The following CUBN variants were observed in gnomAD, a reference collection of about 807,000 sequenced individuals.
CUBN encodes cubilin.
In CUBN, 282 loss-of-function variants were observed where a neutral mutation model predicts 405.3. That is an observed-to-expected ratio of 0.70 (90% CI 0.63 to 0.77). The LOEUF (loss-of-function observed/expected upper bound fraction) is 0.77, where lower values mean the gene tolerates loss of function less well. Ranked by LOEUF, CUBN falls within the 30% of genes least tolerant of loss-of-function variation. The pLI is 0.00. For missense variants in CUBN, 4,514 were observed against 4,475.2 expected (o/e 1.01, Z -0.25); for synonymous variants, 1,684 against 1,617.0 (o/e 1.04, Z -0.99).
chr10:16,976,334 T>A (rs1833093966), intron 31 of CUBN, among the ~76,000 whole-genome samples: 1 of 152,144 alleles, frequency 6.6e-6, no homozygotes, highest in Non-Finnish European at 1.5e-5. Flanking sequence ...GTTACTTTTT[T>A]TTCTTTAATC....
At chr10:16,844,115 C>T (rs185887797) in intron 60 of CUBN, among the ~76,000 whole-genome samples, 11 of 152,048 alleles carry the variant, frequency 7.2e-5, no homozygotes, top group Non-Finnish European at 7.4e-5. Flanking sequence ...ATTAAAAATA[C>T]GAAATTAGCC....
chr10:17,126,332 G>A (rs745599483), intron 4 of CUBN, among the ~76,000 whole-genome samples: 8 of 152,218 alleles, frequency 5.3e-5, no homozygotes, highest in Non-Finnish European at 8.8e-5. Context: ...ACCAGCAAAT[G>A]TCATTTTAAG....
At chr10:16,828,369 ACTG>A (rs1444179316) in intron 66 of CUBN, among the ~76,000 whole-genome samples, 1 of 152,144 alleles carries the variant, frequency 6.6e-6, no homozygotes, top group Non-Finnish European at 1.5e-5. Context: ...AAGTTGGAAA[ACTG>A]CTCAATTTGT....
chr10:17,098,078 C>T (rs1054832445), intron 14 of CUBN, among the ~76,000 whole-genome samples: 1 of 152,114 alleles, frequency 6.6e-6, no homozygotes, highest in African/African-American at 2.4e-5. Flanking sequence ...AGCCAATTGC[C>T]ACGAAGAAAG....
intron 30 of CUBN, among the ~76,000 whole-genome samples, chr10:16,982,888 A>T (rs746496406): frequency 7.2e-5 from 11 of 152,196 alleles, no homozygotes; most frequent in Non-Finnish European, 1.6e-4. Context: ...GCCAAAATTT[A>T]TTTTAAAAAT....
At chr10:17,069,291 T>C (rs1431174471) in intron 19 of CUBN, among the ~76,000 whole-genome samples, 1 of 152,234 alleles carries the variant, frequency 6.6e-6, no homozygotes, top group Non-Finnish European at 1.5e-5. Flanking sequence ...ACTGTAGATA[T>C]ATTCACATAC....
chr10:16,879,956 G>A (rs1840620782), intron 56 of CUBN, among the ~76,000 whole-genome samples: 1 of 152,220 alleles, frequency 6.6e-6, no homozygotes, highest in Non-Finnish European at 1.5e-5. Flanking sequence ...AGTACCCACT[G>A]TGAGAGCAGC....
At chr10:17,035,881 GAACTAGGCTTAATACCTAGGTGATGA>G (rs1248780553) in intron 27 of CUBN, among the ~76,000 whole-genome samples, 2 of 151,754 alleles carry the variant, frequency 1.3e-5, no homozygotes, top group African/African-American at 4.8e-5. Context: ...AAAATAATGA[GAACTAGGCTTAATACCTAGGTGATGA>G]AATGATCTGT....
intron 28 of CUBN, among the ~76,000 whole-genome samples, chr10:17,012,618 G>A (rs1316477205): frequency 6.6e-6 from 1 of 152,198 alleles, no homozygotes; most frequent in Non-Finnish European, 1.5e-5. Context: ...CAAACTCTAC[G>A]TTAGTAGAAA....
chr10:17,100,832 G>A (rs1836478365), intron 13 of CUBN, among the ~76,000 whole-genome samples: 1 of 152,140 alleles, frequency 6.6e-6, no homozygotes, highest in Non-Finnish European at 1.5e-5. Context: ...ATTAAAGGAT[G>A]AGTAATACCA....
At chr10:17,127,158 T>C (rs1307022802) in intron 3 of CUBN, among the ~76,000 whole-genome samples, 1 of 151,666 alleles carries the variant, frequency 6.6e-6, no homozygotes, top group East Asian at 1.9e-4. Flanking sequence ...CTTCTTTTCT[T>C]TCTTTCTTCC....
intron 55 of CUBN, 73 bp downstream of exon 55, chr10:16,890,298 T>G: frequency 2.6e-6 from 4 of 1,525,272 alleles, no homozygotes; most frequent in Non-Finnish European, 3.6e-6. Flanking sequence ...CCCCCAGGTT[T>G]AGCCAACCCT....
intron 8 of CUBN, among the ~76,000 whole-genome samples, chr10:17,112,282 T>C (rs1009987878): frequency 2.6e-5 from 4 of 152,198 alleles, no homozygotes; most frequent in East Asian, 3.9e-4. Flanking sequence ...TGAAAAAAAG[T>C]TGGAAGAAAA....
At chr10:16,999,605 A>T (rs1244588980) in intron 28 of CUBN, among the ~76,000 whole-genome samples, 1 of 152,236 alleles carries the variant, frequency 6.6e-6, no homozygotes, top group Non-Finnish European at 1.5e-5. Flanking sequence ...AATGAGACTA[A>T]GATAACTGTA....
chr10:16,873,345 G>C (rs1840412738), intron 58 of CUBN, among the ~76,000 whole-genome samples: 1 of 152,168 alleles, frequency 6.6e-6, no homozygotes, highest in Non-Finnish European at 1.5e-5. Context: ...AAATTGACCA[G>C]TGACTCAAGC....
intron 56 of CUBN, among the ~76,000 whole-genome samples, chr10:16,878,671 C>T (rs1236348554): frequency 6.6e-6 from 1 of 152,140 alleles, no homozygotes; most frequent in Non-Finnish European, 1.5e-5. Flanking sequence ...TTTTCATTGC[C>T]CATAGGAAAA....
At chr10:17,094,321 T>C (rs964193004) in intron 14 of CUBN, among the ~76,000 whole-genome samples, 1 of 152,078 alleles carries the variant, frequency 6.6e-6, no homozygotes, top group African/African-American at 2.4e-5. Context: ...TGTGTAATAA[T>C]ATCCTTCAAA....
At chr10:16,979,053 C>T (rs1302581462) in intron 31 of CUBN, among the ~76,000 whole-genome samples, 3 of 152,042 alleles carry the variant, frequency 2.0e-5, no homozygotes, top group African/African-American at 7.2e-5. Flanking sequence ...CAGTAATAGC[C>T]AAACAGAAAG....
At chr10:16,939,659 A>T (rs1330050061) in intron 37 of CUBN, among the ~76,000 whole-genome samples, 1 of 152,206 alleles carries the variant, frequency 6.6e-6, no homozygotes, top group Non-Finnish European at 1.5e-5. Flanking sequence ...AGTAATACTA[A>T]ATGTCTTAAA....
Sources: gnomAD v4.1 joint callset for allele counts (sites outside exome capture counted in the v4.1 genomes callset) on GRCh38, gnomAD v4.1.1 for gene constraint, MANE v1.5 for transcripts, NCBI Gene and HGNC (gene_info 2026-07-23, HGNC 2026-07-21) for gene names.